The following TMEM108 variants were observed in gnomAD, a reference collection of about 807,000 sequenced individuals.
TMEM108 encodes transmembrane protein 108.
A neutral mutation model predicts 35.1 loss-of-function variants in TMEM108; 12 were observed. The observed-to-expected ratio is 0.34, with a 90% CI of 0.22 to 0.55. The LOEUF (loss-of-function observed/expected upper bound fraction) is 0.55, where lower values mean the gene tolerates loss of function less well. Among genes scored for constraint, TMEM108 ranks in the 20% least tolerant of loss-of-function variants. TMEM108 has a pLI of 0.89. For missense variants in TMEM108, 680 were observed against 753.3 expected (o/e 0.90, Z 1.14); for synonymous variants, 287 against 308.6 (o/e 0.93, Z 0.73).
Position 133,301,000 on chromosome 3 carries a change from A to G in TMEM108, c.40+71649A>G, listed in dbSNP as rs1394950345. ...TACACACACACACACACACACACAC[A>G]CACACACACACACACACACACACAC... On this transcript the variant is annotated intron_variant, in intron 3 of 5. Coordinates refer to ENST00000321871, the MANE Select transcript of TMEM108 (RefSeq NM_023943.4). 1.6e-4 allele frequency among the ~76,000 whole-genome samples: 11 copies of G among 67,622 alleles called. 2 individuals carry two copies. Among genetic ancestry groups the G allele is most frequent in the African/African-American group, 4.4e-4 (11 of 25,226 alleles). 44.4% of individuals were successfully genotyped at this position (67,622 alleles called of 152,430 possible). A position where few individuals can be genotyped will look rare whatever the true frequency, so the allele number is the denominator to read the frequency against.
In TMEM108 at chr3:133,381,005, C is replaced by T. The variant is rs147035119; in HGVS notation, c.1294C>T (p.Arg432Cys). The T allele has an allele frequency of 4.3e-5, 69 of 1,614,104 alleles. No individual in the cohort carries two copies. Among genetic ancestry groups the T allele is most frequent in the Non-Finnish European group, 5.3e-5 (62 of 1,180,034 alleles). Residue 432 changes from arginine to cysteine, a missense_variant, in exon 4 of 6, where the codon CGC becomes TGC. This residue lies in a region of TMEM108 where 526 missense variants were observed against 532.1 expected (regional missense o/e 0.99). Transcript: ENST00000321871. Reference protein sequence around the residue: ...VSTATGNFLNRLVPAGTWKPG... With the variant: ...VSTATGNFLNCLVPAGTWKPG... Reference sequence around the variant, plus strand: ...CACAGCCACAGGCAATTTCCTCAACCGCCTGGTCCCCGCCGGGACCTGGAA... The same window carrying T: ...CACAGCCACAGGCAATTTCCTCAACTGCCTGGTCCCCGCCGGGACCTGGAA...
At chr3:133,139,215 A>G (rs887665326) in intron 2 of TMEM108, among the ~76,000 whole-genome samples, 3 of 152,232 alleles carry the variant, frequency 2.0e-5, no homozygotes, top group African/African-American at 7.2e-5. Context: ...TAGTGCTGCA[A>G]TAAACATACA....
chr3:133,358,090 T>G (rs1399346070), intron 3 of TMEM108, among the ~76,000 whole-genome samples: 1 of 152,144 alleles, frequency 6.6e-6, no homozygotes, highest in African/African-American at 2.4e-5. Context: ...CAAGCTCACT[T>G]GTCCTCAGAT....
intron 2 of TMEM108, among the ~76,000 whole-genome samples, chr3:133,127,071 T>G (rs1482528330): frequency 6.6e-5 from 10 of 152,096 alleles, no homozygotes; most frequent in Non-Finnish European, 1.5e-5. Context: ...TAAGCATATT[T>G]TTACACTTAC....
Position 133,380,123 on chromosome 3 carries a change from G to T in TMEM108, c.412G>T (p.Ala138Ser). 2 of 1,613,850 alleles carry T rather than the reference G, an allele frequency of 1.2e-6. No homozygotes were observed. The highest frequency in any genetic ancestry group is 3.3e-4 in the Middle Eastern group (2 of 6,058). Reference protein sequence around the residue: ...KPEGRPRGQAAPTILLTKPPG... With the variant: ...KPEGRPRGQASPTILLTKPPG... ...AGAGGGCCGCCCTCGAGGGCAGGCT[G>T]CCCCCACCATCCTGCTGACAAAGCC... is the stretch of plus-strand genomic sequence containing the variant. Residue 138 changes from alanine to serine, a missense_variant, in exon 4 of 6, where the codon GCC (alanine) becomes TCC (serine). Transcript: ENST00000321871. This position sits in a 1 kb window ranked among gnomAD's most constrained non-coding sequence, Gnocchi z 5.3.
intron 3 of TMEM108, among the ~76,000 whole-genome samples, chr3:133,290,751 A>G (rs973676417): frequency 6.6e-6 from 1 of 152,242 alleles, no homozygotes. Flanking sequence ...ATGAAAAAGC[A>G]AAAGAAAATG....
At chr3:133,273,531 G>T (rs768107637) in intron 3 of TMEM108, among the ~76,000 whole-genome samples, 5 of 152,158 alleles carry the variant, frequency 3.3e-5, no homozygotes, top group Non-Finnish European at 7.3e-5. Flanking sequence ...GCAGGAGTGG[G>T]TGCTGACTTC....
At chr3:133,278,731 A>C (rs1415813770) in intron 3 of TMEM108, among the ~76,000 whole-genome samples, 1 of 152,158 alleles carries the variant, frequency 6.6e-6, no homozygotes, top group African/African-American at 2.4e-5. Context: ...CACTGACCAA[A>C]ATGTCCTTAT....
At chr3:133,299,241 C>G (rs1947185962) in intron 3 of TMEM108, among the ~76,000 whole-genome samples, 1 of 152,204 alleles carries the variant, frequency 6.6e-6, no homozygotes, top group Non-Finnish European at 1.5e-5. Flanking sequence ...ATAAGAAAAA[C>G]TGTTTTTATT....
intron 3 of TMEM108, among the ~76,000 whole-genome samples, chr3:133,367,146 A>G (rs1451070863): frequency 1.3e-5 from 2 of 152,244 alleles, no homozygotes; most frequent in Non-Finnish European, 2.9e-5. Flanking sequence ...TAAGTAAGGA[A>G]TGAATCTCCA....
chr3:133,055,123 T>C (rs1232373944), intron 2 of TMEM108, among the ~76,000 whole-genome samples: 1 of 152,194 alleles, frequency 6.6e-6, no homozygotes, highest in Non-Finnish European at 1.5e-5. Flanking sequence ...TCCCCTGTAT[T>C]GAATTTTTAA....
chr3:133,318,737 G>A (rs895757790), intron 3 of TMEM108, among the ~76,000 whole-genome samples: 9 of 152,092 alleles, frequency 5.9e-5, no homozygotes, highest in South Asian at 2.1e-4. Flanking sequence ...TTAAGAGGGG[G>A]AGTTCTGGGA....
At chr3:133,047,651 A>G (rs1356313333) in intron 2 of TMEM108, among the ~76,000 whole-genome samples, 4 of 152,228 alleles carry the variant, frequency 2.6e-5, no homozygotes, top group Admixed American at 2.0e-4. Flanking sequence ...GTCTCCAGAC[A>G]TTGCCAAATG....
At chr3:133,290,952 G>T (rs1947054281) in intron 3 of TMEM108, among the ~76,000 whole-genome samples, 1 of 152,138 alleles carries the variant, frequency 6.6e-6, no homozygotes, top group South Asian at 2.1e-4. Context: ...GATGGTAAAT[G>T]ACACTAACTA....
chr3:133,075,018 C>T (rs1354970445), intron 2 of TMEM108, among the ~76,000 whole-genome samples: 1 of 151,780 alleles, frequency 6.6e-6, no homozygotes, highest in African/African-American at 2.4e-5. Flanking sequence ...CTCTTTTTTC[C>T]CACTAAGCCT....
chr3:133,288,297 C>T (rs949184671), intron 3 of TMEM108, among the ~76,000 whole-genome samples: 1 of 152,202 alleles, frequency 6.6e-6, no homozygotes, highest in African/African-American at 2.4e-5. Context: ...AGTAAAACCT[C>T]ACTGCATCCA....
rs528381857 is a variant in TMEM108 at position 133,279,255 on chromosome 3, C to T, written c.40+49904C>T. ...ACCTCCCCATCATCACTGTGGTGTA[C>T]GACAATCAGCTATGAGTTTTGAGAC... On this transcript the variant is annotated intron_variant, in intron 3 of 5. Coordinates refer to ENST00000321871, the MANE Select transcript of TMEM108 (RefSeq NM_023943.4). 7.2e-5 allele frequency among the ~76,000 whole-genome samples: 11 copies of T among 152,308 alleles called. No homozygotes were observed. In the East Asian group the frequency reaches 7.7e-4, roughly 11 times the overall value.
intron 2 of TMEM108, among the ~76,000 whole-genome samples, chr3:133,223,530 A>G (rs1946023067): frequency 6.6e-6 from 1 of 152,188 alleles, no homozygotes; most frequent in Non-Finnish European, 1.5e-5. Context: ...TTCATCCCCC[A>G]AATTGTTATC....
At chr3:133,064,202 T>C (rs931840021) in intron 2 of TMEM108, among the ~76,000 whole-genome samples, 4 of 152,182 alleles carry the variant, frequency 2.6e-5, no homozygotes, top group African/African-American at 9.7e-5. Context: ...TCTCCTGAGC[T>C]AAAAAGCATT....
Sources: allele counts gnomAD v4.1 joint callset (sites outside exome capture counted in the v4.1 genomes callset), GRCh38; gene constraint gnomAD v4.1.1; regional missense constraint gnomAD v4.1.1; non-coding constraint Gnocchi (gnomAD v3.1); transcripts MANE v1.5; gene names NCBI Gene and HGNC (gene_info 2026-07-23, HGNC 2026-07-21).